The following MTCL2 variants were observed in gnomAD, a reference collection of about 807,000 sequenced individuals.
MTCL2 encodes the protein microtubule crosslinking factor 2, also known as microtubule cross-linking factor 2.
the MTCL2 span, among the ~76,000 whole-genome samples, chr20:36,799,028 C>T: frequency 3.0e-4 from 46 of 152,216 alleles, 1 homozygote; most frequent in African/African-American, 9.6e-4. Flanking sequence ...CTAAGAAACT[C>T]AACATGAGAC....
the MTCL2 span, among the ~76,000 whole-genome samples, chr20:36,861,017 G>A: frequency 6.6e-6 from 1 of 152,186 alleles, no homozygotes; most frequent in Non-Finnish European, 1.5e-5. Context: ...GGGATGGACA[G>A]GGGCCCATGG....
chr20:36,793,690 G>T, the MTCL2 span: 1 of 1,549,052 alleles, frequency 6.5e-7, no homozygotes, highest in South Asian at 1.2e-5. The surrounding 1 kb of genome is among the most constrained non-coding windows in gnomAD (Gnocchi z 6.8). Flanking sequence ...GCTTGCCCTG[G>T]TGCAGGTTCC....
the MTCL2 span, chr20:36,785,651 A>C: frequency 2.0e-6 from 2 of 985,198 alleles, no homozygotes; most frequent in African/African-American, 3.5e-5. Flanking sequence ...AGATCAAGGC[A>C]GTGTATTTAG....
the MTCL2 span, among the ~76,000 whole-genome samples, chr20:36,809,718 G>C: frequency 2.6e-5 from 4 of 151,964 alleles, no homozygotes; most frequent in Non-Finnish European, 4.4e-5. Flanking sequence ...TGGGATTACA[G>C]GCGTGCTAGT....
the MTCL2 span, among the ~76,000 whole-genome samples, chr20:36,809,679 G>A: frequency 6.6e-6 from 1 of 151,504 alleles, no homozygotes; most frequent in Non-Finnish European, 1.5e-5. Flanking sequence ...GGGTTCAAGC[G>A]GTTCTCTTGC....
At chr20:36,859,594 C>A in the MTCL2 span, 15 of 1,231,192 alleles carry the variant, frequency 1.2e-5, no homozygotes, top group South Asian at 4.5e-4. Flanking sequence ...GAAGCTCCTT[C>A]TATCTTCTCA....
At chr20:36,795,883 A>G in the MTCL2 span, among the ~76,000 whole-genome samples, 2 of 152,180 alleles carry the variant, frequency 1.3e-5, no homozygotes, top group East Asian at 3.8e-4. Context: ...AACAAACAAT[A>G]GGTGGGATAT....
the MTCL2 span, chr20:36,794,121 G>A: frequency 6.4e-7 from 1 of 1,551,468 alleles, no homozygotes; most frequent in Non-Finnish European, 8.7e-7. The surrounding 1 kb of genome is among the most constrained non-coding windows in gnomAD (Gnocchi z 5.4). Flanking sequence ...GCCGCCGAGG[G>A]GCTGCCCGCT....
At chr20:36,853,330 G>C in the MTCL2 span, among the ~76,000 whole-genome samples, 2 of 152,210 alleles carry the variant, frequency 1.3e-5, no homozygotes, top group Non-Finnish European at 2.9e-5. Context: ...CCCGATGGGA[G>C]AGGAACCTCA....
the MTCL2 span, among the ~76,000 whole-genome samples, chr20:36,845,599 C>T: frequency 1.1e-4 from 16 of 152,270 alleles, no homozygotes; most frequent in Admixed American, 8.5e-4. Flanking sequence ...GGGACGTGGG[C>T]GGGAGAGGCT....
At chr20:36,804,760 G>A in the MTCL2 span, 1 of 1,613,924 alleles carries the variant, frequency 6.2e-7, no homozygotes, top group South Asian at 1.1e-5. Flanking sequence ...CTTGAGCTCT[G>A]CCCGCTCTGT....
chr20:36,791,629 G>GCTGCACC, the MTCL2 span, among the ~76,000 whole-genome samples: 3 of 152,198 alleles, frequency 2.0e-5, no homozygotes, highest in Non-Finnish European at 4.4e-5. Flanking sequence ...GCACCAATCA[G>GCTGCACC]AGTTTCCTTC....
the MTCL2 span, among the ~76,000 whole-genome samples, chr20:36,799,080 G>A: frequency 1.3e-5 from 2 of 152,138 alleles, no homozygotes; most frequent in Non-Finnish European, 2.9e-5. Flanking sequence ...ACTAGGCCAG[G>A]TGTGGCAGCT....
At chr20:36,863,435 C>A in the MTCL2 span, 1 of 988,526 alleles carries the variant, frequency 1.0e-6, no homozygotes. This position sits in a 1 kb window ranked among gnomAD's most constrained non-coding sequence, Gnocchi z 6.2. Flanking sequence ...GCGGCTCCGG[C>A]CGCTGGGGCT....
At chr20:36,784,856 G>A in the MTCL2 span, 1 of 985,490 alleles carries the variant, frequency 1.0e-6, no homozygotes, top group Non-Finnish European at 1.2e-6. Flanking sequence ...AGACACTCAG[G>A]TTTATGTGCA....
At chr20:36,808,747 C>T in the MTCL2 span, 1 of 1,576,118 alleles carries the variant, frequency 6.3e-7, no homozygotes. Context: ...CCTTCAGCTG[C>T]CGGGGGACAA....
chr20:36,821,382 G>A, the MTCL2 span, among the ~76,000 whole-genome samples: 1 of 152,040 alleles, frequency 6.6e-6, no homozygotes, highest in South Asian at 2.1e-4. Context: ...AAAAAAATTA[G>A]CCGGGCATGG....
At chr20:36,846,200 T>C in the MTCL2 span, among the ~76,000 whole-genome samples, 5 of 148,022 alleles carry the variant, frequency 3.4e-5, no homozygotes, top group Non-Finnish European at 7.4e-5. Context: ...AGCGAGACTG[T>C]GTCTCAAAAA....
At chr20:36,860,052 G>A in the MTCL2 span, among the ~76,000 whole-genome samples, 5 of 152,224 alleles carry the variant, frequency 3.3e-5, no homozygotes, top group South Asian at 6.2e-4. Flanking sequence ...TGAGGCTGGC[G>A]GCTGGGATAA....
Sources: gnomAD v4.1 joint callset for allele counts (sites outside exome capture counted in the v4.1 genomes callset) on GRCh38, gnomAD v4.1.1 for gene constraint, Gnocchi (gnomAD v3.1) non-coding constraint, MANE v1.5 for transcripts, NCBI Gene and HGNC (gene_info 2026-07-23, HGNC 2026-07-21) for gene names.